ME3: variants seen among roughly 807,000 people sequenced by gnomAD.
The protein encoded by ME3 is NADP-dependent malic enzyme, mitochondrial.
ME3 carries 48 observed loss-of-function variants against 68.9 expected under a neutral mutation model. The observed-to-expected ratio is 0.70, with a 90% CI of 0.55 to 0.89. The LOEUF is 0.89. ME3 is among the 40% of genes least tolerant of loss of function. The probability of loss-of-function intolerance (pLI) is 0.00; values close to 1 mark genes in which losing one functional copy is unlikely to be tolerated. For synonymous variants in ME3, 320 were observed against 318.8 expected (o/e 1.00, Z -0.04); for missense variants, 675 against 797.4 (o/e 0.85, Z 1.85).
chr11:86,609,773 T>C (rs4245421), intron 2 of ME3, among the ~76,000 whole-genome samples: 60,693 of 152,098 alleles, frequency 0.4, 12,747 homozygotes, highest in East Asian at 0.71. Flanking sequence ...TTCTTCGACA[T>C]AGGCATGGAG....
chr11:86,514,831 G>A (rs1297082521), intron 4 of ME3, among the ~76,000 whole-genome samples: 1 of 152,190 alleles, frequency 6.6e-6, no homozygotes, highest in Non-Finnish European at 1.5e-5. Flanking sequence ...ACAAATGGTA[G>A]CTGTTAGTGT....
chr11:86,531,293 A>T (rs1394060953), intron 4 of ME3, among the ~76,000 whole-genome samples: 2 of 152,228 alleles, frequency 1.3e-5, no homozygotes, highest in Non-Finnish European at 2.9e-5. Context: ...TCAAAACCAC[A>T]ATGAGATACC....
At chr11:86,653,561 C>A (rs1489310374) in intron 2 of ME3, among the ~76,000 whole-genome samples, 2 of 152,166 alleles carry the variant, frequency 1.3e-5, no homozygotes, top group South Asian at 2.1e-4. Context: ...AACAAAGACA[C>A]AACATACCAG....
intron 5 of ME3, 82 bp from the exon 6 acceptor site, chr11:86,498,206 G>T (rs536506489): frequency 1.4e-5 from 21 of 1,476,342 alleles, no homozygotes; most frequent in African/African-American, 1.1e-4. Context: ...AGCCCATCAG[G>T]CTTGGCGACT....
At chr11:86,498,997 A>T (rs947232749) in intron 5 of ME3, among the ~76,000 whole-genome samples, 1 of 152,166 alleles carries the variant, frequency 6.6e-6, no homozygotes, top group Non-Finnish European at 1.5e-5. Context: ...ATATATTAAT[A>T]ATCATGATTC....
Position 86,444,594 on chromosome 11 carries a change from C to T in ME3, c.1555-1675G>A, listed in dbSNP as rs117228096. Among the ~76,000 whole-genome samples, 7 of 152,242 alleles carry T rather than the reference C, an allele frequency of 4.6e-5. No individual in the cohort carries two copies. In the East Asian group the frequency reaches 5.8e-4, roughly 13 times the overall value. ...ATGGTATGTGTGATCACATCTAAGACGGTAGGCACTGGCAATGCTCTTCAG... is the reference window on the plus strand; with the variant it reads ...ATGGTATGTGTGATCACATCTAAGATGGTAGGCACTGGCAATGCTCTTCAG... On this transcript the variant is annotated intron_variant, in intron 13 of 14. Coordinates refer to ENST00000543262, the Ensembl canonical transcript of ME3.
chr11:86,454,077 AC>A (rs1407170404), intron 8 of ME3, among the ~76,000 whole-genome samples: 2 of 152,240 alleles, frequency 1.3e-5, no homozygotes, highest in African/African-American at 4.8e-5. Context: ...CGATGGTGAA[AC>A]CAAAACAAAA....
At chr11:86,645,067 A>C (rs1034338375) in intron 2 of ME3, among the ~76,000 whole-genome samples, 2 of 152,228 alleles carry the variant, frequency 1.3e-5, no homozygotes, top group Non-Finnish European at 2.9e-5. Context: ...TGCAACCCGC[A>C]GACCAGGAGA....
At chr11:86,458,003 G>A (rs1950035277) in intron 8 of ME3, among the ~76,000 whole-genome samples, 1 of 152,186 alleles carries the variant, frequency 6.6e-6, no homozygotes, top group Non-Finnish European at 1.5e-5. Flanking sequence ...TTCTGACCCA[G>A]GCAGCAAGAA....
chr11:86,579,504 T>C (rs1409114120), intron 2 of ME3, among the ~76,000 whole-genome samples: 1 of 152,202 alleles, frequency 6.6e-6, no homozygotes, highest in African/African-American at 2.4e-5. Context: ...CTGAGTGTCA[T>C]GTGTCTAGCT....
chr11:86,560,712 GTGTGTGTGTGTGTA>G lies in ME3; in HGVS notation c.184-903_184-890del, dbSNP rs1957167034. Reference sequence around the variant, plus strand: ...TATATGTATATAATGATATGTGTGTGTGTGTGTGTGTGTATGTGTGTGTGTGTGTGTGTGTGTAT... The same window carrying G: ...TATATGTATATAATGATATGTGTGTGTGTGTGTGTGTGTGTGTGTGTGTAT... On this transcript the variant is annotated intron_variant, in intron 2 of 14. Transcript: ENST00000543262. Among the ~76,000 whole-genome samples the G allele has an allele frequency of 6.2e-5, 5 of 80,668 alleles. No individual in the cohort carries two copies. The Admixed American group carries it at 7.2e-4, about 12-fold the overall frequency. 52.9% of individuals were successfully genotyped at this position (80,668 alleles called of 152,430 possible).
chr11:86,569,958 G>A (rs1957697336), intron 2 of ME3, among the ~76,000 whole-genome samples: 1 of 152,188 alleles, frequency 6.6e-6, no homozygotes, highest in Non-Finnish European at 1.5e-5. Context: ...GATTAGGGAT[G>A]TGATTATTTT....
At chr11:86,607,238 G>C (rs1038288892) in intron 2 of ME3, among the ~76,000 whole-genome samples, 1 of 152,120 alleles carries the variant, frequency 6.6e-6, no homozygotes, top group African/African-American at 2.4e-5. Context: ...ATGTGATGGT[G>C]CTACTTCTTA....
intron 6 of ME3, among the ~76,000 whole-genome samples, chr11:86,497,744 C>T (rs796151709): frequency 6.6e-6 from 1 of 151,970 alleles, no homozygotes; most frequent in African/African-American, 2.4e-5. Context: ...GCAAGGGGGC[C>T]CAGGAGTGGG....
chr11:86,662,824 C>A (rs896554533), intron 2 of ME3, among the ~76,000 whole-genome samples: 5 of 152,154 alleles, frequency 3.3e-5, no homozygotes, highest in Non-Finnish European at 1.5e-5. Flanking sequence ...GAATCTTCAA[C>A]ACCTCTTTCA....
intron 7 of ME3, among the ~76,000 whole-genome samples, chr11:86,475,874 T>TATATATATATATATAGAGAGAG: frequency 3.6e-4 from 33 of 91,454 alleles, no homozygotes; most frequent in African/African-American, 1.2e-3. Flanking sequence ...TATATATATA[T>TATATATATATATATAGAGAGAG]AGAGAGAGAG....
chr11:86,440,608 C>T (rs1948938082), downstream of ME3, among the ~76,000 whole-genome samples: 1 of 152,172 alleles, frequency 6.6e-6, no homozygotes, highest in African/African-American at 2.4e-5. Flanking sequence ...ATGTCTAAGA[C>T]TCAACAACCC....
At chr11:86,617,053 T>TTTTTG (rs1205015092) in intron 2 of ME3, among the ~76,000 whole-genome samples, 23 of 70,078 alleles carry the variant, frequency 3.3e-4, no homozygotes, top group Non-Finnish European at 5.7e-4. Context: ...TAGTTTTTTT[T>TTTTTG]TTTTTTTTTT....
chr11:86,520,164 C>G (rs953228265), intron 4 of ME3, among the ~76,000 whole-genome samples: 17 of 152,128 alleles, frequency 1.1e-4, no homozygotes, highest in Admixed American at 9.8e-4. Flanking sequence ...TCCTTCTGAC[C>G]CTCCCAGATA....
Sources: gnomAD v4.1 joint callset for allele counts (sites outside exome capture counted in the v4.1 genomes callset) on GRCh38, gnomAD v4.1.1 for gene constraint, MANE v1.5 for transcripts, NCBI Gene and HGNC (gene_info 2026-07-23, HGNC 2026-07-21) for gene names.